The following CASK variants were observed in gnomAD, a reference collection of about 807,000 sequenced individuals.
CASK encodes the protein calcium/calmodulin dependent serine protein kinase.
CASK carries 4 observed loss-of-function variants against 82.9 expected under a neutral mutation model. The ratio of observed to expected loss-of-function variants is 0.05; its 90% CI spans 0.02 to 0.11. CASK has a LOEUF of 0.11. CASK is among the 10% of genes least tolerant of loss of function. The pLI, the probability that CASK is intolerant of heterozygous loss-of-function variation, is 1.00. For missense variants in CASK, 358 were observed against 720.9 expected (o/e 0.50, Z 5.76); for synonymous variants, 259 against 253.5 (o/e 1.02, Z -0.20).
intron 5 of CASK, among the ~76,000 whole-genome samples, chrX:41,716,733 G>C (rs1040199285): frequency 3.6e-5 from 4 of 111,576 alleles, no homozygotes; most frequent in African/African-American, 1.3e-4. Context: ...CCTAAGGGGT[G>C]GCTTGTGCCT....
chrX:41,716,229 A>G (rs1276903842), intron 5 of CASK, among the ~76,000 whole-genome samples: 2 of 112,311 alleles, frequency 1.8e-5, no homozygotes, highest in Non-Finnish European at 3.8e-5. Context: ...CCAGGAACAC[A>G]TTATATAGCC....
intron 2 of CASK, among the ~76,000 whole-genome samples, chrX:41,812,750 G>A (rs1303473361): frequency 1.8e-5 from 2 of 111,384 alleles, no homozygotes; most frequent in Non-Finnish European, 1.9e-5. Flanking sequence ...GGGTAATCAG[G>A]CAGGAGAAAG....
In CASK at chrX:41,721,274, A is replaced by G. The variant is rs12011871; in HGVS notation, c.429+18110T>C. Among the ~76,000 whole-genome samples, 977 of 111,580 alleles carry G rather than the reference A, an allele frequency of 8.8e-3. 15 individuals are homozygous for G. Among genetic ancestry groups the G allele is most frequent in the African/African-American group, 0.031 (941 of 30,716 alleles). On this transcript the variant is annotated intron_variant, in intron 5 of 26. Transcript: ENST00000378163. Reference sequence around the variant, plus strand: ...TACTTTATTAATCTAGTATTCCCTGACATTTACTCTTTTTACCAATTGTAA... The same window carrying G: ...TACTTTATTAATCTAGTATTCCCTGGCATTTACTCTTTTTACCAATTGTAA...
intron 5 of CASK, chrX:41,724,282 T>C (rs894294603): frequency 1.8e-5 from 2 of 112,764 alleles, no homozygotes. Flanking sequence ...CATAAACTAC[T>C]CATACAGGTA....
intron 15 of CASK, chrX:41,570,864 T>G (rs888146017): frequency 2.7e-5 from 3 of 112,069 alleles, no homozygotes; most frequent in African/African-American, 9.7e-5. Flanking sequence ...TTTGGGCTAT[T>G]ATAAGTAAAG....
At chrX:41,580,547 T>C (rs189691543) in intron 14 of CASK, among the ~76,000 whole-genome samples, 1 of 111,878 alleles carries the variant, frequency 8.9e-6, no homozygotes, top group Admixed American at 9.5e-5. Flanking sequence ...AATCATAAAA[T>C]AATACTCAAA....
chrX:41,615,418 C>A (rs1342003178), intron 11 of CASK, among the ~76,000 whole-genome samples: 1 of 111,598 alleles, frequency 9.0e-6, no homozygotes, highest in Non-Finnish European at 1.9e-5. Context: ...AAATGTCCCA[C>A]TGAACCCCTG....
intron 6 of CASK, among the ~76,000 whole-genome samples, chrX:41,667,791 A>G (rs779147601): frequency 4.5e-5 from 5 of 111,073 alleles, no homozygotes; most frequent in Non-Finnish European, 9.4e-5. Flanking sequence ...GCTGCTCATA[A>G]TTTAACCTTT....
intron 16 of CASK, among the ~76,000 whole-genome samples, chrX:41,566,944 A>G (rs2065327764): frequency 8.9e-6 from 1 of 112,039 alleles, no homozygotes; most frequent in South Asian, 3.7e-4. Context: ...CACATCTACA[A>G]CCATCTGATC....
At chrX:41,550,537 A>C (rs2065081756) in intron 21 of CASK, among the ~76,000 whole-genome samples, 1 of 110,529 alleles carries the variant, frequency 9.0e-6, no homozygotes, top group South Asian at 3.9e-4. Flanking sequence ...TTCTTTTTAA[A>C]ATCTGCTATG....
intron 11 of CASK, 86 bp downstream of exon 11, chrX:41,622,531 A>T: frequency 1.3e-6 from 1 of 775,738 alleles, no homozygotes; most frequent in Non-Finnish European, 1.9e-6. Context: ...ACAGCCAAGG[A>T]AAAAGTCAAG....
At chrX:41,851,146 C>A (rs2071258084) in intron 2 of CASK, among the ~76,000 whole-genome samples, 1 of 111,936 alleles carries the variant, frequency 8.9e-6, no homozygotes, top group Non-Finnish European at 1.9e-5. Flanking sequence ...ATCCCAAATC[C>A]AACTGGATGT....
intron 2 of CASK, among the ~76,000 whole-genome samples, chrX:41,812,325 G>A (rs1198318975): frequency 6.3e-5 from 7 of 111,584 alleles, no homozygotes; most frequent in East Asian, 5.6e-4. Context: ...GATGAACATC[G>A]ATGCAAAAAT....
At chrX:41,607,096 C>T (rs1158433308) in intron 12 of CASK, among the ~76,000 whole-genome samples, 1 of 112,895 alleles carries the variant, frequency 8.9e-6, no homozygotes, top group Admixed American at 9.3e-5. Flanking sequence ...GCAGATACTT[C>T]TTTATAATGT....
chrX:41,605,923 C>G (rs751550162), intron 12 of CASK, among the ~76,000 whole-genome samples: 2 of 111,423 alleles, frequency 1.8e-5, no homozygotes, highest in South Asian at 7.6e-4. Context: ...AAGTGATCCT[C>G]CCGCCTCGGC....
intron 1 of CASK, among the ~76,000 whole-genome samples, chrX:41,901,040 C>T (rs1233333130): frequency 1.8e-5 from 2 of 111,978 alleles, no homozygotes; most frequent in East Asian, 5.6e-4. Context: ...GACACTGCAC[C>T]TGGCCTTGAA....
chrX:41,724,408 T>C (rs1260597216), intron 5 of CASK: 2 of 112,776 alleles, frequency 1.8e-5, no homozygotes, highest in Non-Finnish European at 3.8e-5. Context: ...ATATTAACTA[T>C]GTAGACAGTC....
chrX:41,527,079 G>T (rs1349630037), intron 25 of CASK, among the ~76,000 whole-genome samples: 1 of 111,300 alleles, frequency 9.0e-6, no homozygotes, highest in African/African-American at 3.3e-5. Context: ...GTGACTTAAA[G>T]ATGAACTCTA....
chrX:41,791,704 CA>C (rs1465299803), intron 2 of CASK, among the ~76,000 whole-genome samples: 25 of 102,273 alleles, frequency 2.4e-4, no homozygotes, highest in Admixed American at 2.1e-4. Context: ...GCCAGGGCAA[CA>C]AAGGGAGACT....
Sources: gnomAD v4.1 joint callset for allele counts (sites outside exome capture counted in the v4.1 genomes callset) on GRCh38, gnomAD v4.1.1 for gene constraint, MANE v1.5 for transcripts, NCBI Gene and HGNC (gene_info 2026-07-23, HGNC 2026-07-21) for gene names.